Variants in LRFN2 observed in about 807,000 individuals in gnomAD.
LRFN2 encodes the protein leucine-rich repeat and fibronectin type-III domain-containing protein 2.
A neutral mutation model predicts 37.3 loss-of-function variants in LRFN2; 18 were observed. The ratio of observed to expected loss-of-function variants is 0.48; its 90% CI spans 0.33 to 0.72. The LOEUF is 0.72. Among genes scored for constraint, LRFN2 ranks in the 30% least tolerant of loss-of-function variants. The pLI is 0.02. For synonymous variants in LRFN2, 556 were observed against 466.6 expected (o/e 1.19, Z -2.47); for missense variants, 1,006 against 1,060.7 (o/e 0.95, Z 0.72).
intron 1 of LRFN2, among the ~76,000 whole-genome samples, chr6:40,575,745 A>G (rs1767265740): frequency 6.6e-6 from 1 of 151,804 alleles, no homozygotes; most frequent in Non-Finnish European, 1.5e-5. Flanking sequence ...GGATCACAGC[A>G]CGTGACAGCA....
chr6:40,474,591 G>A (rs959612739), intron 1 of LRFN2, among the ~76,000 whole-genome samples: 1 of 152,174 alleles, frequency 6.6e-6, no homozygotes, highest in East Asian at 1.9e-4. Flanking sequence ...CTGGGTTCAA[G>A]CAATTCTCCT....
intron 1 of LRFN2, among the ~76,000 whole-genome samples, chr6:40,472,177 C>T (rs1180337900): frequency 6.6e-6 from 1 of 152,174 alleles, no homozygotes; most frequent in Non-Finnish European, 1.5e-5. Context: ...TCTGTCTCTG[C>T]TCCTCATCTT....
intron 1 of LRFN2, among the ~76,000 whole-genome samples, chr6:40,541,888 A>C (rs963582427): frequency 8.5e-5 from 13 of 152,314 alleles, no homozygotes; most frequent in African/African-American, 3.1e-4. Context: ...GATTCTCATT[A>C]TGTTATGCAA....
intron 2 of LRFN2, among the ~76,000 whole-genome samples, chr6:40,419,577 A>T: frequency 6.6e-6 from 1 of 152,138 alleles, no homozygotes; most frequent in Non-Finnish European, 1.5e-5. Flanking sequence ...TAAGCCACCT[A>T]GAGTTTGAGG....
chr6:40,539,410 T>C (rs1766511668), intron 1 of LRFN2, among the ~76,000 whole-genome samples: 1 of 152,170 alleles, frequency 6.6e-6, no homozygotes. Context: ...GAGGAATAAA[T>C]AAAGACAGAG....
intron 2 of LRFN2, among the ~76,000 whole-genome samples, chr6:40,395,051 T>A (rs769317121): frequency 2.8e-4 from 42 of 151,402 alleles, no homozygotes; most frequent in Non-Finnish European, 1.5e-4. Flanking sequence ...TAGCACAGTG[T>A]TTGGGGCAGA....
At chr6:40,548,334 G>A (rs900511056) in intron 1 of LRFN2, among the ~76,000 whole-genome samples, 3 of 152,030 alleles carry the variant, frequency 2.0e-5, no homozygotes, top group African/African-American at 7.3e-5. Context: ...CCAGTTACTT[G>A]GGAGGCAGAG....
At chr6:40,562,261 C>T (rs148473716) in intron 1 of LRFN2, among the ~76,000 whole-genome samples, 1 of 152,052 alleles carries the variant, frequency 6.6e-6, no homozygotes, top group East Asian at 1.9e-4. Flanking sequence ...ATTGGGCAGA[C>T]GGAAGGAGGA....
chr6:40,527,584 T>C (rs887345639), intron 1 of LRFN2, among the ~76,000 whole-genome samples: 10 of 152,146 alleles, frequency 6.6e-5, no homozygotes, highest in South Asian at 2.1e-4. Flanking sequence ...GCCTGAAATA[T>C]AAGAAGGAAG....
chr6:40,560,387 C>A (rs929555796), intron 1 of LRFN2, among the ~76,000 whole-genome samples: 2 of 152,182 alleles, frequency 1.3e-5, no homozygotes, highest in Non-Finnish European at 2.9e-5. Flanking sequence ...TGGGGAAGCC[C>A]AGTTGAGGCC....
At chr6:40,473,083 C>T (rs548001149) in intron 1 of LRFN2, among the ~76,000 whole-genome samples, 59 of 152,298 alleles carry the variant, frequency 3.9e-4, no homozygotes, top group Non-Finnish European at 6.9e-4. Flanking sequence ...TCTTCTCCCA[C>T]GCCTCCAGAT....
intron 1 of LRFN2, among the ~76,000 whole-genome samples, chr6:40,450,341 C>T (rs778296048): frequency 9.9e-5 from 15 of 152,206 alleles, no homozygotes; most frequent in Non-Finnish European, 1.5e-4. Flanking sequence ...GCTCCTGGCC[C>T]ATCAGAGTCA....
At chr6:40,425,376 C>G (rs529915353) in intron 2 of LRFN2, among the ~76,000 whole-genome samples, 1 of 152,232 alleles carries the variant, frequency 6.6e-6, no homozygotes, top group Non-Finnish European at 1.5e-5. Flanking sequence ...TCCAACATCA[C>G]GCCTGGTGAC....
intron 1 of LRFN2, among the ~76,000 whole-genome samples, chr6:40,469,225 G>A (rs1764541423): frequency 6.6e-6 from 1 of 152,148 alleles, no homozygotes; most frequent in African/African-American, 2.4e-5. Flanking sequence ...GAAACTAGAA[G>A]AGGCAAGGAA....
At chr6:40,555,515 G>C (rs1351391499) in intron 1 of LRFN2, among the ~76,000 whole-genome samples, 1 of 152,228 alleles carries the variant, frequency 6.6e-6, no homozygotes, top group Non-Finnish European at 1.5e-5. Flanking sequence ...GCCAGAGACA[G>C]TGTTGCCACG....
In LRFN2 at chr6:40,510,736, C is replaced by T. The variant is rs367813394; in HGVS notation, c.-19+76205G>A. Among the ~76,000 whole-genome samples the T allele has an allele frequency of 1.7e-4, 26 of 152,288 alleles. 1 individual carries two copies. The East Asian group carries it at 4.6e-3, about 27-fold the overall frequency. ...AAGCAGGGCCGAGGAGACAGGGATG[C>T]TGTTTTGCATTGGGTGGCCATTTGG... On this transcript the variant is annotated intron_variant, in intron 1 of 2. Coordinates refer to ENST00000338305, the MANE Select transcript of LRFN2 (RefSeq NM_020737.3).
At chr6:40,492,515 T>C (rs1765117116) in intron 1 of LRFN2, among the ~76,000 whole-genome samples, 2 of 152,350 alleles carry the variant, frequency 1.3e-5, no homozygotes, top group South Asian at 2.1e-4. Flanking sequence ...TAGAGGTTCC[T>C]TGGAGCCGGT....
At chr6:40,527,061 G>A (rs1052357547) in intron 1 of LRFN2, among the ~76,000 whole-genome samples, 2 of 152,212 alleles carry the variant, frequency 1.3e-5, no homozygotes, top group South Asian at 2.1e-4. Context: ...GCTAAGGGAA[G>A]GGCCCCTAAA....
chr6:40,521,966 G>T (rs189624330), intron 1 of LRFN2, among the ~76,000 whole-genome samples: 1 of 152,308 alleles, frequency 6.6e-6, no homozygotes, highest in East Asian at 1.9e-4. Context: ...GGAATGGGCT[G>T]GCTGAAGAGT....
Sources: allele counts gnomAD v4.1 joint callset (sites outside exome capture counted in the v4.1 genomes callset), GRCh38; gene constraint gnomAD v4.1.1; transcripts MANE v1.5; gene names NCBI Gene and HGNC (gene_info 2026-07-23, HGNC 2026-07-21).